Variants in ALDH8A1 observed in about 807,000 individuals in gnomAD.
ALDH8A1 encodes the protein 2-aminomuconic semialdehyde dehydrogenase.
A neutral mutation model predicts 43.3 loss-of-function variants in ALDH8A1; 39 were observed. That is an observed-to-expected ratio of 0.90 (90% CI 0.70 to 1.18). The LOEUF is 1.18. Among genes scored for constraint, ALDH8A1 ranks in the 50% most tolerant of loss-of-function variants. The pLI is 0.00. For synonymous variants in ALDH8A1, 233 were observed against 243.5 expected (o/e 0.96, Z 0.40); for missense variants, 605 against 622.6 (o/e 0.97, Z 0.30).
chr6:134,942,430 C>T lies in ALDH8A1; in HGVS notation c.421G>A (p.Val141Met). Reference sequence around the variant, plus strand: ...TCACCGACTCCCACCGGGGCCCGCACCGTGTAGTGCATGCAGCCCAGGTGG... The same window carrying T: ...TCACCGACTCCCACCGGGGCCCGCATCGTGTAGTGCATGCAGCCCAGGTGG... ...MDHLGCMHYTVRAPVGVAGLI... is the reference protein window; with the variant it reads ...MDHLGCMHYTMRAPVGVAGLI... The change falls in exon 3 of 7, where the codon GTG becomes ATG. Residue 141 changes from valine to methionine, a missense_variant. Val to Met is a conservative substitution (Grantham distance 21). Transcript: ENST00000265605. 1 of 1,613,756 alleles carries T rather than the reference C, an allele frequency of 6.2e-7. No homozygotes were observed. The highest frequency in any genetic ancestry group is 1.7e-4 in the Middle Eastern group (1 of 6,054).
At chr6:134,944,987 T>C (rs1191787667) in intron 1 of ALDH8A1, among the ~76,000 whole-genome samples, 4 of 149,862 alleles carry the variant, frequency 2.7e-5, no homozygotes, top group African/African-American at 9.8e-5. Context: ...AATCTAGATA[T>C]GTGGAATCTC....
chr6:134,919,754 C>T (rs1415463706), intron 6 of ALDH8A1, among the ~76,000 whole-genome samples: 4 of 152,146 alleles, frequency 2.6e-5, no homozygotes, highest in African/African-American at 9.7e-5. Flanking sequence ...TGGATTTTTA[C>T]TTATCTATCG....
At chr6:134,925,976 T>C (rs1327305131) in intron 6 of ALDH8A1, among the ~76,000 whole-genome samples, 1 of 151,968 alleles carries the variant, frequency 6.6e-6, no homozygotes, top group Non-Finnish European at 1.5e-5. Flanking sequence ...GAGGCCAGTA[T>C]GCAGGAGTGG....
At position 134,917,854 on chromosome 6, in the gene ALDH8A1, C is replaced by G. The variant is rs551472393; in HGVS notation, c.*561G>C. On this transcript the variant is annotated 3_prime_UTR_variant, in exon 7 of 7. Coordinates refer to ENST00000265605, the MANE Select transcript of ALDH8A1 (RefSeq NM_022568.4). ...CATGGCTCACTGCAGCCTCAACCGC[C>G]TGGGCTCAAGCGATCCTCCCACCTC... is the stretch of plus-strand genomic sequence containing the variant. The G allele has an allele frequency of 6.5e-6, 1 of 154,280 alleles. No individual in the cohort carries two copies. Among genetic ancestry groups the G allele is most frequent in the African/African-American group, 2.4e-5 (1 of 41,540 alleles). 9.6% of individuals were successfully genotyped at this position (154,280 alleles called of 1,614,324 possible).
chr6:134,933,084 C>T (rs892366892), intron 4 of ALDH8A1, 52 bp from the exon 5 acceptor site: 6 of 1,477,188 alleles, frequency 4.1e-6, no homozygotes. Flanking sequence ...TTGAAGAGTT[C>T]AAGTTACTTG....
chr6:134,939,905 A>C (rs572723710), intron 3 of ALDH8A1, among the ~76,000 whole-genome samples: 74 of 152,364 alleles, frequency 4.9e-4, no homozygotes, highest in Non-Finnish European at 4.4e-4. Flanking sequence ...AAAAGGAACG[A>C]GATCATGTCC....
At chr6:134,920,681 G>T (rs926978739) in intron 6 of ALDH8A1, among the ~76,000 whole-genome samples, 1 of 152,094 alleles carries the variant, frequency 6.6e-6, no homozygotes, top group African/African-American at 2.4e-5. Flanking sequence ...ATTTCCTAGA[G>T]AAAGTATGAC....
intron 2 of ALDH8A1, among the ~76,000 whole-genome samples, 181 bp from the exon 3 acceptor site, chr6:134,942,745 G>C (rs1773879725): frequency 6.6e-6 from 1 of 152,142 alleles, no homozygotes; most frequent in Non-Finnish European, 1.5e-5. Flanking sequence ...CAATATTTAG[G>C]TATAAGGTTG....
chr6:134,941,115 A>C (rs140261734), intron 3 of ALDH8A1, among the ~76,000 whole-genome samples: 10 of 152,348 alleles, frequency 6.6e-5, no homozygotes, highest in Non-Finnish European at 8.8e-5. Flanking sequence ...ATGAAGTAAG[A>C]TAATTCTCAG....
intron 3 of ALDH8A1, chr6:134,940,089 A>C (rs1171336596): frequency 4.1e-6 from 1 of 241,316 alleles, no homozygotes; most frequent in Non-Finnish European, 8.4e-6. Flanking sequence ...AGTCGGGGGG[A>C]AGAGCATTAG....
chr6:134,949,800 A>G (rs777359233), intron 1 of ALDH8A1, 116 bp downstream of exon 1: 1 of 1,207,458 alleles, frequency 8.3e-7, no homozygotes, highest in Non-Finnish European at 1.1e-6. Flanking sequence ...TCTTCCTTCT[A>G]TCATGTTTAA....
intron 4 of ALDH8A1, among the ~76,000 whole-genome samples, chr6:134,933,754 G>T (rs1004605587): frequency 1.3e-5 from 2 of 152,032 alleles, no homozygotes; most frequent in African/African-American, 2.4e-5. Flanking sequence ...TATTGCCAAG[G>T]CTGCAGTGCA....
In ALDH8A1 at chr6:134,933,006, C is replaced by G. The variant is rs1276248225; in HGVS notation, c.619G>C (p.Val207Leu). Residue 207 changes from valine to leucine, a missense_variant, in exon 5 of 7, where the codon GTG (valine) becomes CTG (leucine). By Grantham distance (32) the Val-to-Leu change is conservative. Coordinates refer to ENST00000265605, the MANE Select transcript of ALDH8A1 (RefSeq NM_022568.4). ...AGVPPGVVNI[V>L]FGTGPRVGEA... ...CCCACCCTGGGCCCGGTTCCAAACA[C>G]AATATTGACCACACCTGGTGGAACA... 1.6e-5 allele frequency: 25 copies of G among 1,593,310 alleles called. No homozygotes were observed. Among genetic ancestry groups the G allele is most frequent in the Non-Finnish European group, 2.1e-5 (25 of 1,170,082 alleles).
chr6:134,949,955 C>T lies in ALDH8A1; in HGVS notation c.99G>A (p.Gly33=). The change falls in exon 1 of 7, where the codon GGG becomes GGA. Residue 33 remains glycine (G), a synonymous_variant. Coordinates refer to ENST00000265605, the MANE Select transcript of ALDH8A1 (RefSeq NM_022568.4). ...TATTTGGCACTCTGCAATACACTTCCCCTGTTGATGGGTCGTAAGAATCTA... is the reference window on the plus strand; with the variant it reads ...TATTTGGCACTCTGCAATACACTTCTCCTGTTGATGGGTCGTAAGAATCTA... The part of the protein sequence containing the change: ...SYIDSYDPST[G]EVYCRVPNSG... 6.2e-7 allele frequency: 1 copy of T among 1,612,158 alleles called. No homozygotes were observed. Among genetic ancestry groups the T allele is most frequent in the South Asian group, 1.1e-5 (1 of 90,376 alleles).
intron 6 of ALDH8A1, among the ~76,000 whole-genome samples, chr6:134,927,867 A>G (rs577176090): frequency 6.6e-6 from 1 of 152,190 alleles, no homozygotes; most frequent in East Asian, 1.9e-4. Context: ...GCAGGCAGGG[A>G]GCCCTAGTGT....
intron 4 of ALDH8A1, among the ~76,000 whole-genome samples, chr6:134,937,573 G>T (rs1050547506): frequency 1.3e-5 from 2 of 152,214 alleles, no homozygotes; most frequent in Admixed American, 6.5e-5. Flanking sequence ...GGGCAGACTG[G>T]CTGGGAAAGA....
intron 6 of ALDH8A1, among the ~76,000 whole-genome samples, chr6:134,926,348 C>G (rs760406338): frequency 6.6e-6 from 1 of 151,680 alleles, no homozygotes; most frequent in Non-Finnish European, 1.5e-5. Flanking sequence ...TACAGGCGTG[C>G]GCCACAAGTG....
At chr6:134,939,153 A>C (rs1583032835) in intron 4 of ALDH8A1, 113 bp downstream of exon 4, 1 of 1,482,460 alleles carries the variant, frequency 6.7e-7, no homozygotes, top group East Asian at 2.3e-5. Context: ...AGGATCAGAA[A>C]GACAAAGCCC....
chr6:134,925,808 G>GAATTTAAAT (rs1240497185), intron 6 of ALDH8A1, among the ~76,000 whole-genome samples: 5 of 152,142 alleles, frequency 3.3e-5, no homozygotes, highest in Non-Finnish European at 7.4e-5. Context: ...CTGTATATAG[G>GAATTTAAAT]GTAGGCAGGA....
Sources: allele counts gnomAD v4.1 joint callset (sites outside exome capture counted in the v4.1 genomes callset), GRCh38; gene constraint gnomAD v4.1.1; transcripts MANE v1.5; gene names NCBI Gene and HGNC (gene_info 2026-07-23, HGNC 2026-07-21).